VPS41: variants seen among roughly 807,000 people sequenced by gnomAD.
The protein encoded by VPS41 is vacuolar protein sorting-associated protein 41 homolog.
VPS41 carries 85 observed loss-of-function variants against 130.9 expected under a neutral mutation model. The ratio of observed to expected loss-of-function variants is 0.65; its 90% CI spans 0.55 to 0.78. The LOEUF is 0.78. Among genes scored for constraint, VPS41 ranks in the 30% least tolerant of loss-of-function variants. The probability of loss-of-function intolerance (pLI) is 0.00; values close to 1 mark genes in which losing one functional copy is unlikely to be tolerated. For missense variants in VPS41, 874 were observed against 1,018.7 expected, an observed-to-expected ratio of 0.86 and a Z score of 1.93; for synonymous variants, 335 against 332.9, an observed-to-expected ratio of 1.01 and a Z score of -0.07.
At chr7:38,812,632 C>T (rs1029379166) in intron 7 of VPS41, among the ~76,000 whole-genome samples, 1 of 151,880 alleles carries the variant, frequency 6.6e-6, no homozygotes, top group Non-Finnish European at 1.5e-5. Flanking sequence ...AAAATATTTG[C>T]GAATCATGTA....
intron 9 of VPS41, 73 bp from the exon 10 acceptor site, chr7:38,789,940 G>T: frequency 1.3e-6 from 2 of 1,505,730 alleles, no homozygotes; most frequent in Non-Finnish European, 1.8e-6. Flanking sequence ...TCAGTATATG[G>T]TATCTTTGTT....
chr7:38,852,621 C>A (rs1785884027), intron 4 of VPS41, among the ~76,000 whole-genome samples: 1 of 152,014 alleles, frequency 6.6e-6, no homozygotes. Context: ...GAAATTATAG[C>A]CAAATAAATA....
chr7:38,804,185 T>A (rs1018881680), intron 7 of VPS41, among the ~76,000 whole-genome samples: 6 of 148,836 alleles, frequency 4.0e-5, no homozygotes, highest in African/African-American at 1.5e-4. Flanking sequence ...CTTTTTTTTT[T>A]AACTTGTATT....
intron 5 of VPS41, among the ~76,000 whole-genome samples, chr7:38,825,044 C>CA (rs1562599956): frequency 6.6e-6 from 1 of 152,000 alleles, no homozygotes; most frequent in Admixed American, 6.5e-5. Flanking sequence ...GAGGAATAAA[C>CA]AAAAAAGAGA....
chr7:38,750,387 G>T (rs1206935443), intron 22 of VPS41, among the ~76,000 whole-genome samples: 1 of 152,072 alleles, frequency 6.6e-6, no homozygotes, highest in Non-Finnish European at 1.5e-5. Flanking sequence ...TAAAAATATG[G>T]ATTACTACTT....
intron 2 of VPS41, among the ~76,000 whole-genome samples, chr7:38,876,262 T>C (rs1286715953): frequency 6.6e-6 from 1 of 152,202 alleles, no homozygotes; most frequent in Non-Finnish European, 1.5e-5. Context: ...AGATAAAATA[T>C]TACATTTACA....
rs764059937 is a variant in VPS41 at position 38,795,522 on chromosome 7, G to A, written c.660C>T (p.Cys220=). The part of the protein sequence containing the change: ...DISLRPDMYP[C]SLCWKDNVTL... ...TCACATTGTCCTTCCAGCAGAGGCT[G>A]CAGGGATACATGTCTGGGCGAAGAC... The change falls in exon 9 of 29, where the codon TGC becomes TGT. Residue 220 remains cysteine (C), a synonymous_variant. Transcript: ENST00000310301. 15 of 1,613,638 alleles carry A rather than the reference G, an allele frequency of 9.3e-6. No individual in the cohort carries two copies. Among genetic ancestry groups the A allele is most frequent in the Non-Finnish European group, 1.3e-5 (15 of 1,179,714 alleles).
At chr7:38,893,083 A>G (rs1786902366) in intron 2 of VPS41, among the ~76,000 whole-genome samples, 1 of 152,052 alleles carries the variant, frequency 6.6e-6, no homozygotes, top group African/African-American at 2.4e-5. Flanking sequence ...ACTCTCAACA[A>G]TCAAACTTTT....
chr7:38,904,457 C>T (rs1468823509), intron 1 of VPS41, among the ~76,000 whole-genome samples: 2 of 151,934 alleles, frequency 1.3e-5, no homozygotes, highest in African/African-American at 4.8e-5. Flanking sequence ...TTTGTTTTTC[C>T]TTTAGTTAGT....
At chr7:38,855,254 A>C (rs1413857814) in intron 4 of VPS41, among the ~76,000 whole-genome samples, 1 of 151,756 alleles carries the variant, frequency 6.6e-6, no homozygotes, top group Non-Finnish European at 1.5e-5. Flanking sequence ...ACTAAAAATG[A>C]AATTTAAGCA....
chr7:38,887,878 C>T (rs1310454550), intron 2 of VPS41, among the ~76,000 whole-genome samples: 1 of 152,192 alleles, frequency 6.6e-6, no homozygotes, highest in Non-Finnish European at 1.5e-5. Context: ...CAATATTCAA[C>T]ATTCTTAAAG....
chr7:38,737,243 G>A (rs934347614), intron 25 of VPS41, among the ~76,000 whole-genome samples: 1 of 152,008 alleles, frequency 6.6e-6, no homozygotes, highest in Admixed American at 6.6e-5. Context: ...ATGGTGGCAC[G>A]TGTCTGTAAT....
rs760662660 is a variant in VPS41, at chr7:38,726,267, T to C, written c.2544A>G (p.Ala848=). The C allele has an allele frequency of 3.1e-6, 5 of 1,608,694 alleles. No individual in the cohort carries two copies. The African/African-American group carries it at 5.3e-5, about 17-fold the overall frequency. The change falls in exon 29 of 29, where the codon GCA becomes GCG. Residue 848 remains alanine, a synonymous_variant. Coordinates refer to ENST00000310301, the MANE Select transcript of VPS41 (RefSeq NM_014396.4). ...TGAGCTATTTTTTCATCTCCAAAAT[T>C]GCACTTCCTGGTCCACGGTTCTTAG... ...CSAKNRGPGS[A]ILEMKK is the part of the protein sequence containing the mutation.
chr7:38,886,549 G>C (rs189829451), intron 2 of VPS41, among the ~76,000 whole-genome samples: 4 of 152,362 alleles, frequency 2.6e-5, no homozygotes, highest in African/African-American at 9.6e-5. Flanking sequence ...CCGCAGTTCA[G>C]CAAGGCCTAC....
At chr7:38,825,686 A>G (rs998111147) in intron 5 of VPS41, among the ~76,000 whole-genome samples, 4 of 152,236 alleles carry the variant, frequency 2.6e-5, no homozygotes, top group African/African-American at 9.6e-5. Context: ...ACAATGAGCC[A>G]TAGAACCAAG....
intron 15 of VPS41, among the ~76,000 whole-genome samples, chr7:38,765,976 A>G (rs913286240): frequency 6.6e-6 from 1 of 152,198 alleles, no homozygotes; most frequent in Non-Finnish European, 1.5e-5. Context: ...TACCCAGAGG[A>G]GCACTGCTGG....
intron 7 of VPS41, among the ~76,000 whole-genome samples, chr7:38,814,646 T>C (rs889062454): frequency 1.3e-5 from 2 of 151,848 alleles, no homozygotes; most frequent in African/African-American, 4.8e-5. Context: ...CAAAACTCTG[T>C]CTCAAAAAAA....
chr7:38,818,023 T>A, intron 6 of VPS41, 141 bp from the exon 7 acceptor site: 4 of 663,394 alleles, frequency 6.0e-6, no homozygotes, highest in African/African-American at 1.8e-5. Context: ...AATCATATTT[T>A]ACAACAACTG....
chr7:38,831,319 T>G, intron 4 of VPS41: 2 of 443,126 alleles, frequency 4.5e-6, no homozygotes, highest in Middle Eastern at 3.4e-4. Context: ...ACTGTCCACA[T>G]GCAGCCTTTA....
Sources: gnomAD v4.1 joint callset for allele counts (sites outside exome capture counted in the v4.1 genomes callset) on GRCh38, gnomAD v4.1.1 for gene constraint, MANE v1.5 for transcripts, NCBI Gene and HGNC (gene_info 2026-07-23, HGNC 2026-07-21) for gene names.